Variants in ASXL1 observed in about 807,000 individuals in gnomAD.
The protein encoded by ASXL1 is polycomb group protein ASXL1.
A neutral mutation model predicts 89.1 loss-of-function variants in ASXL1; 65 were observed. The ratio of observed to expected loss-of-function variants is 0.73; its 90% CI spans 0.60 to 0.90. The LOEUF (loss-of-function observed/expected upper bound fraction) is 0.90, where lower values mean the gene tolerates loss of function less well. Among genes scored for constraint, ASXL1 ranks in the 40% least tolerant of loss-of-function variants. The pLI is 0.00. For synonymous variants in ASXL1, 739 were observed against 746.9 expected, an observed-to-expected ratio of 0.99 and a Z score of 0.17; for missense variants, 1,786 against 1,942.9, an observed-to-expected ratio of 0.92 and a Z score of 1.52.
chr20:32,437,593 G>T lies in ASXL1; in HGVS notation c.*255G>T. Reference sequence around the variant, plus strand: ...TGAGCTCTCCTGCAAGACAGAGCCTGATGTGGCACGGAGTGGGGTTGCGGG... The same window carrying T: ...TGAGCTCTCCTGCAAGACAGAGCCTTATGTGGCACGGAGTGGGGTTGCGGG... On this transcript the variant is annotated 3_prime_UTR_variant, in exon 13 of 13. Transcript: ENST00000375687. The T allele has an allele frequency of 1.9e-6, 1 of 535,000 alleles. No homozygotes were observed. 33.1% of individuals were successfully genotyped at this position (535,000 alleles called of 1,614,324 possible).
chr20:32,378,056 C>A (rs1489708788), intron 4 of ASXL1, among the ~76,000 whole-genome samples: 1 of 145,460 alleles, frequency 6.9e-6, no homozygotes, highest in African/African-American at 2.6e-5. Flanking sequence ...GTGGCATGAT[C>A]ACAGCTCACT....
intron 4 of ASXL1, among the ~76,000 whole-genome samples, chr20:32,426,554 C>CTTTTTTTTTTTTTTTTT (rs1177815042): frequency 2.4e-5 from 2 of 83,950 alleles, no homozygotes; most frequent in African/African-American, 9.1e-5. Context: ...TTTTTTCTTT[C>CTTTTTTTTTTTTTTTTT]TTTTTTTTTT....
chr20:32,401,025 A>G (rs989504024), intron 4 of ASXL1, among the ~76,000 whole-genome samples: 1 of 152,204 alleles, frequency 6.6e-6, no homozygotes, highest in African/African-American at 2.4e-5. Context: ...GTTTACTAAA[A>G]GCTGCAGAAA....
intron 4 of ASXL1, among the ~76,000 whole-genome samples, chr20:32,426,887 G>A (rs539065158): frequency 6.6e-6 from 1 of 152,114 alleles, no homozygotes; most frequent in South Asian, 2.1e-4. Flanking sequence ...TAAGATACAT[G>A]ATTTTGGCTA....
In ASXL1 at chr20:32,414,923, T is replaced by G. The variant is rs2049111486; in HGVS notation, c.253-13205T>G. Among the ~76,000 whole-genome samples the G allele has an allele frequency of 2.6e-5, 4 of 152,214 alleles. No individual in the cohort carries two copies. The South Asian group carries it at 8.3e-4, about 32-fold the overall frequency. ...TTGGGGTCATAGTACTACTACTATT[T>G]GGGGAGCTTTGGGAGCCAAGGTGGG... On this transcript the variant is annotated intron_variant, in intron 4 of 12. Coordinates refer to ENST00000375687, the MANE Select transcript of ASXL1 (RefSeq NM_015338.6).
At chr20:32,401,544 G>GTGTGTT (rs35101542) in intron 4 of ASXL1, among the ~76,000 whole-genome samples, 95 of 69,308 alleles carry the variant, frequency 1.4e-3, no homozygotes, top group African/African-American at 3.0e-3. Flanking sequence ...GTGTGTGTGT[G>GTGTGTT]TTTTTTCCCC....
intron 3 of ASXL1, among the ~76,000 whole-genome samples, chr20:32,368,678 TA>T (rs1169990203): frequency 1.3e-5 from 2 of 152,330 alleles, no homozygotes; most frequent in Admixed American, 1.3e-4. Flanking sequence ...AAAATTTTAC[TA>T]AAAATTTATT....
chr20:32,377,643 A>G (rs147278401), intron 4 of ASXL1, among the ~76,000 whole-genome samples: 213 of 152,162 alleles, frequency 1.4e-3, no homozygotes, highest in African/African-American at 4.8e-3. Flanking sequence ...TATGCATGAA[A>G]CAAAGTTGTT....
At chr20:32,431,263 T>C in intron 8 of ASXL1, 58 bp from the exon 9 acceptor site, 1 of 1,611,104 alleles carries the variant, frequency 6.2e-7, no homozygotes, top group Non-Finnish European at 8.5e-7. Context: ...TCCCATCAGT[T>C]GGCATTTGTT....
At chr20:32,397,985 A>T (rs771548066) in intron 4 of ASXL1, among the ~76,000 whole-genome samples, 3 of 152,208 alleles carry the variant, frequency 2.0e-5, no homozygotes, top group Non-Finnish European at 4.4e-5. Context: ...TAGATGTGAA[A>T]CAAATTTACC....
Position 32,433,800 on chromosome 20 carries a change from C to T in ASXL1, c.1602C>T (p.Ser534=). Residue 534 remains serine (S), a synonymous_variant, in exon 12 of 13, where the codon TCC becomes TCT. Transcript: ENST00000375687. ...CCTTTGAGCAGGCGGCCTCTGCATC[C>T]TTTCCCGAAAAGAAGCCCCGGCTTG... The part of the protein sequence containing the change: ...RKSFEQAASA[S]FPEKKPRLED... 4 of 1,614,198 alleles carry T rather than the reference C, an allele frequency of 2.5e-6. No individual in the cohort carries two copies. Among genetic ancestry groups the T allele is most frequent in the Non-Finnish European group, 3.4e-6 (4 of 1,180,050 alleles).
At position 32,434,711 on chromosome 20, in the gene ASXL1, G is replaced by A. The variant is rs763933091; in HGVS notation, c.1999G>A (p.Asp667Asn). ...AGGTGGCAGAGGCAGCAGCAGTGGT[G>A]ATGGTGGTGAGGCCTGTGGCCACCC... ...EGGGRGSSSG[D>N]GGEACGHPEP... is the part of the protein sequence containing the mutation. The change falls in exon 13 of 13, where the codon GAT becomes AAT. Residue 667 changes from aspartate to asparagine, a missense_variant. By Grantham distance (23) the Asp-to-Asn change is conservative. Coordinates refer to ENST00000375687, the MANE Select transcript of ASXL1 (RefSeq NM_015338.6). 1 of 1,609,822 alleles carries A rather than the reference G, an allele frequency of 6.2e-7. No homozygotes were observed. The highest frequency in any genetic ancestry group is 1.1e-5 in the South Asian group (1 of 90,756).
In ASXL1 at chr20:32,437,198, A is replaced by G; in HGVS notation, c.4486A>G (p.Ser1496Gly). Residue 1496 changes from serine (S) to glycine (G), a missense_variant, in exon 13 of 13, where the codon AGC (serine) becomes GGC (glycine). Ser to Gly is a moderately conservative substitution (Grantham distance 56). Around this residue, in one of 3 missense-constraint regions of ASXL1, gnomAD observed 36 missense variants for 65.5 expected, o/e 0.55. Transcript: ENST00000375687. The stretch of plus-strand genomic sequence containing the variant: ...ACTTTCCTTGCAAATGTTCACTGAC[A>G]GCAGCACGGTGGAAAGCATCTCGCT... Reference protein sequence around the residue: ...ASLSLQMFTDSSTVESISLQC... With the variant: ...ASLSLQMFTDGSTVESISLQC... The G allele has an allele frequency of 6.2e-7, 1 of 1,613,726 alleles. No homozygotes were observed. Among genetic ancestry groups the G allele is most frequent in the Non-Finnish European group, 8.5e-7 (1 of 1,179,582 alleles).
intron 4 of ASXL1, among the ~76,000 whole-genome samples, chr20:32,394,385 C>T (rs2048726179): frequency 6.6e-6 from 1 of 152,156 alleles, no homozygotes. Flanking sequence ...TGATCCCTGC[C>T]CTTGGCCTCC....
At chr20:32,359,050 C>A (rs980963342) in intron 1 of ASXL1, 12 of 610,896 alleles carry the variant, frequency 2.0e-5, no homozygotes, top group African/African-American at 3.7e-5. Context: ...CGCGCCCCCC[C>A]CGCCCCGCGC....
At position 32,436,508 on chromosome 20, in the gene ASXL1, C is replaced by G. The variant is rs772335046; in HGVS notation, c.3796C>G (p.Leu1266Val). The G allele has an allele frequency of 1.9e-6, 3 of 1,614,234 alleles. No homozygotes were observed. The highest frequency in any genetic ancestry group is 2.5e-6 in the Non-Finnish European group (3 of 1,180,044). Residue 1266 changes from leucine to valine, a missense_variant, in exon 13 of 13, where the codon CTT (leucine) becomes GTT (valine). By Grantham distance (32) the Leu-to-Val change is conservative. This residue lies in a region of ASXL1 where 1,418 missense variants were observed against 1,427.8 expected (regional missense o/e 0.99). Transcript: ENST00000375687. ...TGCTCCAGGAAAGAGCCCAGGAGAT[C>G]TTACTACCTCGAGAACACCTCGTTT... is the stretch of plus-strand genomic sequence containing the variant. ...NAAPGKSPGD[L>V]TTSRTPRFSS...
intron 8 of ASXL1, chr20:32,430,394 C>T (rs1210051860): frequency 3.5e-5 from 10 of 286,768 alleles, no homozygotes; most frequent in Non-Finnish European, 6.5e-5. Context: ...TTTCTCTCTT[C>T]GGTAGCATGT....
At chr20:32,360,065 G>T in intron 1 of ASXL1, 2 of 376,744 alleles carry the variant, frequency 5.3e-6, no homozygotes, top group South Asian at 3.9e-5. Flanking sequence ...AAGGTGTTGT[G>T]CAAAAAAAAA....
intron 4 of ASXL1, among the ~76,000 whole-genome samples, chr20:32,409,753 A>T (rs1159948658): frequency 6.8e-6 from 1 of 148,060 alleles, no homozygotes; most frequent in East Asian, 2.0e-4. Context: ...CCCTATCTTT[A>T]AAAAAAAAAC....
Sources: allele counts gnomAD v4.1 joint callset (sites outside exome capture counted in the v4.1 genomes callset), GRCh38; gene constraint gnomAD v4.1.1; regional missense constraint gnomAD v4.1.1; transcripts MANE v1.5; gene names NCBI Gene and HGNC (gene_info 2026-07-23, HGNC 2026-07-21).